Variants in CADM2 observed in about 807,000 individuals in gnomAD.
The protein encoded by CADM2 is immunoglobulin superfamily member 4D.
Under a neutral mutation model 49.8 loss-of-function variants are expected in CADM2, and 12 were observed. The observed-to-expected ratio is 0.24, with a 90% CI of 0.15 to 0.39. CADM2 has a LOEUF of 0.39. CADM2 is among the 10% of genes least tolerant of loss of function. The pLI, the probability that CADM2 is intolerant of heterozygous loss-of-function variation, is 1.00. For missense variants in CADM2, 378 were observed against 492.3 expected (o/e 0.77, Z 2.20); for synonymous variants, 214 against 175.4 (o/e 1.22, Z -1.74).
chr3:85,586,678 A>C (rs760880688), intron 1 of CADM2, among the ~76,000 whole-genome samples: 6 of 152,152 alleles, frequency 3.9e-5, no homozygotes, highest in Non-Finnish European at 8.8e-5. Flanking sequence ...TGCAAAAGTA[A>C]CTGTGGTTTT....
chr3:85,008,257 T>C (rs2033835078), intron 1 of CADM2, among the ~76,000 whole-genome samples: 1 of 152,230 alleles, frequency 6.6e-6, no homozygotes. Context: ...TTTGTATATA[T>C]AATACAAAGT....
At chr3:85,384,557 G>T (rs1253284465) in intron 1 of CADM2, among the ~76,000 whole-genome samples, 1 of 151,794 alleles carries the variant, frequency 6.6e-6, no homozygotes, top group Non-Finnish European at 1.5e-5. Flanking sequence ...CAGGTGATCC[G>T]CCCGCCTCAG....
chr3:85,231,666 AC>A (rs199644567), intron 1 of CADM2, among the ~76,000 whole-genome samples: 7 of 151,552 alleles, frequency 4.6e-5, no homozygotes, highest in African/African-American at 1.7e-4. Flanking sequence ...GGCTCAAAAA[AC>A]AAATAAGTGG....
chr3:85,197,959 G>T (rs2041385421), intron 1 of CADM2, among the ~76,000 whole-genome samples: 1 of 151,760 alleles, frequency 6.6e-6, no homozygotes. Context: ...TGATCACAAA[G>T]GTTTTCCCAT....
At chr3:85,708,793 C>T (rs999061435) in intron 1 of CADM2, among the ~76,000 whole-genome samples, 9 of 152,028 alleles carry the variant, frequency 5.9e-5, no homozygotes, top group Admixed American at 2.6e-4. Context: ...TGACAATGAA[C>T]TTGATGTTTG....
At chr3:85,672,083 T>C (rs938340009) in intron 1 of CADM2, among the ~76,000 whole-genome samples, 1 of 152,068 alleles carries the variant, frequency 6.6e-6, no homozygotes, top group South Asian at 2.1e-4. Flanking sequence ...AAGACATTAA[T>C]GTAGGAAAAT....
intron 1 of CADM2, among the ~76,000 whole-genome samples, chr3:85,621,832 C>T (rs567755554): frequency 6.6e-6 from 1 of 152,288 alleles, no homozygotes; most frequent in East Asian, 1.9e-4. Context: ...AGTTGTCAGA[C>T]TGATGTGCAG....
chr3:85,617,675 T>C (rs968965592), intron 1 of CADM2, among the ~76,000 whole-genome samples: 1 of 152,162 alleles, frequency 6.6e-6, no homozygotes, highest in African/African-American at 2.4e-5. Flanking sequence ...TCTGTAATCA[T>C]ACCTTGGTCT....
At chr3:85,931,290 T>G (rs1347272674) in intron 6 of CADM2, among the ~76,000 whole-genome samples, 2 of 151,728 alleles carry the variant, frequency 1.3e-5, no homozygotes, top group African/African-American at 4.8e-5. Flanking sequence ...AGAAAGAAAA[T>G]TAGCCAGGCA....
intron 1 of CADM2, among the ~76,000 whole-genome samples, chr3:85,552,131 A>G (rs1223713804): frequency 6.6e-6 from 1 of 152,106 alleles, no homozygotes; most frequent in Admixed American, 6.6e-5. Context: ...AAAACTTTAG[A>G]GATACAAAAG....
intron 8 of CADM2, chr3:85,992,861 C>T (rs1728950431): frequency 6.6e-6 from 1 of 152,090 alleles, no homozygotes; most frequent in Non-Finnish European, 1.5e-5. Flanking sequence ...TAAAATAAAA[C>T]AACAATAAGG....
intron 1 of CADM2, among the ~76,000 whole-genome samples, chr3:85,173,482 T>C (rs533871698): frequency 6.6e-6 from 1 of 152,310 alleles, no homozygotes; most frequent in East Asian, 1.9e-4. Context: ...TCTCAAGTTT[T>C]TTCTTGACTA....
At chr3:85,427,160 CTATA>C (rs35485915) in intron 1 of CADM2, among the ~76,000 whole-genome samples, 6,363 of 112,306 alleles carry the variant, frequency 0.057, 142 homozygotes, top group African/African-American at 0.068. Flanking sequence ...TGTATTGGAA[CTATA>C]TATATATATA....
At chr3:86,011,669 A>G (rs192765481) in intron 8 of CADM2, among the ~76,000 whole-genome samples, 8 of 152,290 alleles carry the variant, frequency 5.3e-5, no homozygotes. Context: ...GGGACAGCCA[A>G]TGCCAATTGT....
chr3:85,627,515 C>T (rs1349925716), intron 1 of CADM2, among the ~76,000 whole-genome samples: 1 of 151,922 alleles, frequency 6.6e-6, no homozygotes, highest in Non-Finnish European at 1.5e-5. Flanking sequence ...TTTGAAAAGA[C>T]AGTTTGAATC....
chr3:85,803,223 G>T (rs1335074704), intron 3 of CADM2, among the ~76,000 whole-genome samples: 2 of 152,052 alleles, frequency 1.3e-5, no homozygotes, highest in Non-Finnish European at 2.9e-5. Context: ...ATGAAGGAGT[G>T]ATGAAGCATC....
intron 7 of CADM2, among the ~76,000 whole-genome samples, chr3:85,957,765 G>A (rs1186522438): frequency 6.6e-6 from 1 of 151,678 alleles, no homozygotes; most frequent in African/African-American, 2.4e-5. Flanking sequence ...TAATTTGGTG[G>A]GATAGCTCAC....
At chr3:85,050,514 T>C (rs976137032) in intron 1 of CADM2, among the ~76,000 whole-genome samples, 8 of 152,106 alleles carry the variant, frequency 5.3e-5, no homozygotes, top group African/African-American at 1.9e-4. Flanking sequence ...CTAAATATAT[T>C]TTATCTCATT....
At chr3:85,608,350 A>G (rs556215061) in intron 1 of CADM2, among the ~76,000 whole-genome samples, 50 of 152,286 alleles carry the variant, frequency 3.3e-4, no homozygotes, top group African/African-American at 1.2e-3. Context: ...TGTAAAAAGC[A>G]TCACTCCTCA....
Sources: allele counts gnomAD v4.1 joint callset (sites outside exome capture counted in the v4.1 genomes callset), GRCh38; gene constraint gnomAD v4.1.1; transcripts MANE v1.5; gene names NCBI Gene and HGNC (gene_info 2026-07-23, HGNC 2026-07-21).